The following COL19A1 variants were observed in gnomAD, a reference collection of about 807,000 sequenced individuals.
COL19A1 encodes collagen type XIX alpha 1 chain.
A neutral mutation model predicts 190.2 loss-of-function variants in COL19A1; 159 were observed. The observed-to-expected ratio is 0.84, with a 90% CI of 0.73 to 0.95. The LOEUF (loss-of-function observed/expected upper bound fraction) is 0.95. Among genes scored for constraint, COL19A1 ranks in the 40% least tolerant of loss-of-function variants. COL19A1 has a pLI of 0.00. For missense variants in COL19A1, 1,418 were observed against 1,431.9 expected, an observed-to-expected ratio of 0.99 and a Z score of 0.16; for synonymous variants, 509 against 458.9, an observed-to-expected ratio of 1.11 and a Z score of -1.39.
intron 3 of COL19A1, among the ~76,000 whole-genome samples, chr6:69,899,716 C>G (rs769486936): frequency 2.6e-5 from 4 of 152,096 alleles, no homozygotes; most frequent in Non-Finnish European, 4.4e-5. Context: ...CTTTCTCCTT[C>G]TTTTCCTCCT....
chr6:70,153,383 T>G (rs1188347624), intron 31 of COL19A1, among the ~76,000 whole-genome samples: 1 of 152,190 alleles, frequency 6.6e-6, no homozygotes, highest in East Asian at 1.9e-4. Context: ...AATCAGCATA[T>G]CAATCCCTCT....
chr6:69,965,553 C>T (rs1775041891), intron 11 of COL19A1, among the ~76,000 whole-genome samples: 1 of 152,154 alleles, frequency 6.6e-6, no homozygotes. Flanking sequence ...TATAAAGGAC[C>T]TCATTTAAAG....
intron 35 of COL19A1, among the ~76,000 whole-genome samples, chr6:70,162,233 C>A (rs1435551973): frequency 1.3e-5 from 2 of 151,932 alleles, no homozygotes; most frequent in Admixed American, 6.6e-5. Context: ...AAAGAGCATT[C>A]TATTTTTTAT....
chr6:70,006,718 TA>T (rs1777650806), intron 11 of COL19A1, among the ~76,000 whole-genome samples: 2 of 152,190 alleles, frequency 1.3e-5, no homozygotes, highest in South Asian at 4.1e-4. Context: ...TCTAATTTTT[TA>T]AAAAATATAA....
chr6:69,965,456 C>T (rs539611217), intron 11 of COL19A1, among the ~76,000 whole-genome samples: 2 of 152,258 alleles, frequency 1.3e-5, no homozygotes, highest in South Asian at 2.1e-4. Context: ...TCAGGCCAAC[C>T]GAACTCACTA....
In COL19A1 at chr6:70,102,204, A is replaced by G. The variant is rs1214831383; in HGVS notation, c.1260A>G (p.Pro420=). 2 of 1,612,240 alleles carry G rather than the reference A, an allele frequency of 1.2e-6. No individual in the cohort carries two copies. The highest frequency in any genetic ancestry group is 1.7e-6 in the Non-Finnish European group (2 of 1,178,480). ...GGAAAACAGGACCTCCCGGAAAACC[A>G]GGACCCCCAGGACCACCTGTGAGTA... The part of the protein sequence containing the change: ...RRGKTGPPGK[P]GPPGPPGPPG... The change falls in exon 16 of 51, where the codon CCA becomes CCG. Residue 420 remains proline, a synonymous_variant. Coordinates refer to ENST00000620364, the MANE Select transcript of COL19A1 (RefSeq NM_001858.6).
chr6:70,036,671 T>C (rs886127513), intron 14 of COL19A1, among the ~76,000 whole-genome samples: 10 of 152,134 alleles, frequency 6.6e-5, no homozygotes, highest in African/African-American at 2.4e-4. Flanking sequence ...TTGTTTTGTT[T>C]TTTTTAAAAA....
Position 70,005,518 on chromosome 6 carries a change from A to G in COL19A1, c.1027-18109A>G, listed in dbSNP as rs1205674251. Among the ~76,000 whole-genome samples, 3 of 152,236 alleles carry G rather than the reference A, an allele frequency of 2.0e-5. No homozygotes were observed. The East Asian group carries it at 5.8e-4, about 30-fold the overall frequency. On this transcript the variant is annotated intron_variant, in intron 11 of 50. Coordinates refer to ENST00000620364, the MANE Select transcript of COL19A1 (RefSeq NM_001858.6). Reference sequence around the variant, plus strand: ...TCAAGGAGTCTGGAGAACAACAAAGATGGGTGTCTGCTCCTTCTTCTGGGA... The same window carrying G: ...TCAAGGAGTCTGGAGAACAACAAAGGTGGGTGTCTGCTCCTTCTTCTGGGA...
At chr6:69,901,481 T>G (rs1411029614) in intron 4 of COL19A1, among the ~76,000 whole-genome samples, 1 of 152,244 alleles carries the variant, frequency 6.6e-6, no homozygotes, top group African/African-American at 2.4e-5. Flanking sequence ...GGAAGGAATT[T>G]CAAATCAGGG....
At chr6:70,046,435 A>C (rs940617034) in intron 14 of COL19A1, among the ~76,000 whole-genome samples, 1 of 152,138 alleles carries the variant, frequency 6.6e-6, no homozygotes, top group South Asian at 2.1e-4. Flanking sequence ...CTCTCATTGC[A>C]TTTCTGACTT....
intron 2 of COL19A1, chr6:69,890,231 C>T (rs1024491945): frequency 6.6e-6 from 1 of 152,254 alleles, no homozygotes; most frequent in Non-Finnish European, 1.5e-5. Flanking sequence ...ACAGCCCTCA[C>T]CTCTCTTTTG....
intron 48 of COL19A1, among the ~76,000 whole-genome samples, chr6:70,191,805 T>C (rs1177724621): frequency 1.3e-5 from 2 of 152,166 alleles, no homozygotes; most frequent in Non-Finnish European, 2.9e-5. Context: ...AAATAGATTG[T>C]TGAATTTTTT....
intron 4 of COL19A1, among the ~76,000 whole-genome samples, chr6:69,926,281 A>G (rs1198506115): frequency 1.3e-5 from 2 of 152,164 alleles, no homozygotes; most frequent in Non-Finnish European, 2.9e-5. Context: ...ATGTACAGAT[A>G]AAAGAGTGGC....
At chr6:70,033,836 A>G (rs1001757399) in intron 12 of COL19A1, among the ~76,000 whole-genome samples, 1 of 152,156 alleles carries the variant, frequency 6.6e-6, no homozygotes, top group Non-Finnish European at 1.5e-5. Flanking sequence ...AGACATAAAA[A>G]TGTTTTTGAT....
chr6:70,027,690 A>G (rs1469926174), intron 12 of COL19A1, among the ~76,000 whole-genome samples: 1 of 149,868 alleles, frequency 6.7e-6, no homozygotes, highest in Non-Finnish European at 1.5e-5. Flanking sequence ...AACATATATT[A>G]AAATTTTCAA....
chr6:69,928,680 AT>A (rs766831364), intron 5 of COL19A1, among the ~76,000 whole-genome samples: 2 of 152,110 alleles, frequency 1.3e-5, no homozygotes, highest in Non-Finnish European at 1.5e-5. Flanking sequence ...GCTCATCGGA[AT>A]TGGGGGATGG....
chr6:70,169,008 A>G (rs1765336931), intron 40 of COL19A1, among the ~76,000 whole-genome samples: 2 of 152,090 alleles, frequency 1.3e-5, no homozygotes, highest in South Asian at 4.1e-4. Context: ...TTCAATTTTA[A>G]GTAGATTGTG....
chr6:69,982,192 T>C (rs1167628382), intron 11 of COL19A1, among the ~76,000 whole-genome samples: 1 of 152,170 alleles, frequency 6.6e-6, no homozygotes, highest in African/African-American at 2.4e-5. Context: ...CACTTTTTTA[T>C]TTTTATTTTC....
chr6:69,928,483 C>T (rs1772537873), intron 5 of COL19A1, among the ~76,000 whole-genome samples: 1 of 152,078 alleles, frequency 6.6e-6, no homozygotes, highest in African/African-American at 2.4e-5. Flanking sequence ...TTATGGAACA[C>T]ATACTATATA....
Sources: gnomAD v4.1 joint callset for allele counts (sites outside exome capture counted in the v4.1 genomes callset) on GRCh38, gnomAD v4.1.1 for gene constraint, MANE v1.5 for transcripts, NCBI Gene and HGNC (gene_info 2026-07-23, HGNC 2026-07-21) for gene names.